Variants in VGLL4 observed in about 807,000 individuals in gnomAD.
The protein encoded by VGLL4 is transcription cofactor vestigial-like protein 4.
A neutral mutation model predicts 21.0 loss-of-function variants in VGLL4; 7 were observed. The ratio of observed to expected loss-of-function variants is 0.33; its 90% CI spans 0.19 to 0.63. The LOEUF (loss-of-function observed/expected upper bound fraction) is 0.63, where lower values mean the gene tolerates loss of function less well. VGLL4 is among the 20% of genes least tolerant of loss of function. VGLL4 has a pLI of 0.78. For missense variants in VGLL4, 394 were observed against 425.7 expected (o/e 0.93, Z 0.66); for synonymous variants, 222 against 173.2 (o/e 1.28, Z -2.21).
intron 2 of VGLL4, among the ~76,000 whole-genome samples, chr3:11,658,511 A>G (rs530190496): frequency 6.6e-6 from 1 of 151,790 alleles, no homozygotes; most frequent in Non-Finnish European, 1.5e-5. Flanking sequence ...GACACCTTCC[A>G]GTCCTCTTCT....
Position 11,565,114 on chromosome 3 carries a change from T to C in VGLL4, c.273-95A>G, listed in dbSNP as rs892819371. 4 of 1,222,264 alleles carry C rather than the reference T, an allele frequency of 3.3e-6. No homozygotes were observed. Among genetic ancestry groups the C allele is most frequent in the Admixed American group, 3.9e-5 (1 of 25,584 alleles). The allele number at this position is 1,222,264 out of a possible 1,614,324, so 75.7% of individuals were successfully genotyped here. A position where few individuals can be genotyped will look rare whatever the true frequency, so the allele number is the denominator to read the frequency against. On this transcript the variant is annotated intron_variant, in intron 2 of 4. Coordinates refer to ENST00000430365, the MANE Select transcript of VGLL4 (RefSeq NM_001128219.3). This position sits in a 1 kb window ranked among gnomAD's most constrained non-coding sequence, Gnocchi z 4.1. ...GCACTCCGTGTTGCTTATTTAATTT[T>C]TTACCCTGAAGCTCAGGTCGTGTGG...
intron 2 of VGLL4, among the ~76,000 whole-genome samples, chr3:11,681,762 A>G (rs1386237402): frequency 6.6e-6 from 1 of 152,234 alleles, no homozygotes; most frequent in African/African-American, 2.4e-5. Context: ...ATGCAGCCCA[A>G]GGAAACACAT....
intron 1 of VGLL4, among the ~76,000 whole-genome samples, chr3:11,634,499 CTTA>C (rs1214041717): frequency 6.6e-6 from 1 of 152,152 alleles, no homozygotes; most frequent in Non-Finnish European, 1.5e-5. Context: ...TATTTCATCT[CTTA>C]TTCCCTTCCA....
chr3:11,676,412 A>AT (rs1491305157), intron 2 of VGLL4, among the ~76,000 whole-genome samples: 3 of 30,176 alleles, frequency 9.9e-5, no homozygotes, highest in African/African-American at 2.5e-4. Flanking sequence ...AAAAAAAAAT[A>AT]AAATAATAAT....
At chr3:11,642,191 G>A (rs2125330952) in intron 1 of VGLL4, among the ~76,000 whole-genome samples, 1 of 152,212 alleles carries the variant, frequency 6.6e-6, no homozygotes, top group East Asian at 1.9e-4. Context: ...AGAAATTCAC[G>A]AAAATTCTCA....
intron 2 of VGLL4, chr3:11,692,967 AAG>A (rs1575536629): frequency 6.3e-6 from 1 of 158,276 alleles, no homozygotes; most frequent in Admixed American, 6.5e-5. Context: ...ACAGGAGTTC[AAG>A]ACCAACCTGG....
intron 2 of VGLL4, among the ~76,000 whole-genome samples, chr3:11,658,079 G>A (rs904230365): frequency 6.6e-6 from 1 of 150,886 alleles, no homozygotes; most frequent in Non-Finnish European, 1.5e-5. Flanking sequence ...TACTACAAAT[G>A]TGCACCACCA....
intron 2 of VGLL4, among the ~76,000 whole-genome samples, chr3:11,691,060 A>C (rs1292481587): frequency 6.6e-6 from 1 of 152,064 alleles, no homozygotes; most frequent in African/African-American, 2.4e-5. Flanking sequence ...ATAGACGTAG[A>C]AGATGGTGTC....
At chr3:11,717,858 C>T (rs895402280) in intron 1 of VGLL4, among the ~76,000 whole-genome samples, 2 of 152,112 alleles carry the variant, frequency 1.3e-5, no homozygotes, top group Non-Finnish European at 2.9e-5. Context: ...TGTATTGGAA[C>T]TAATATTACC....
At chr3:11,622,349 T>TA (rs2075278597) in intron 1 of VGLL4, among the ~76,000 whole-genome samples, 1 of 152,174 alleles carries the variant, frequency 6.6e-6, no homozygotes, top group Non-Finnish European at 1.5e-5. Flanking sequence ...CAGTGATATT[T>TA]ACCACTGACA....
chr3:11,674,011 C>CAAAAAAAAAAA (rs11293628), intron 2 of VGLL4, among the ~76,000 whole-genome samples: 1 of 56,878 alleles, frequency 1.8e-5, no homozygotes, highest in Non-Finnish European at 3.1e-5. Flanking sequence ...GACTTTGTCT[C>CAAAAAAAAAAA]AAAAAAAAAA....
At position 11,674,741 on chromosome 3, in the gene VGLL4, G is replaced by A. The variant is rs544777283; in HGVS notation, c.64+28230C>T. Among the ~76,000 whole-genome samples, 24 of 152,238 alleles carry A rather than the reference G, an allele frequency of 1.6e-4. No individual in the cohort carries two copies. The East Asian group carries it at 2.5e-3, about 16-fold the overall frequency. On this transcript the variant is annotated intron_variant, in intron 2 of 5. Coordinates refer to the VGLL4 transcript ENST00000273038. ...ACGGGACACCCAGGAAGAGATGAGCGATGGGTGTTATGCTGTTCTGTATTT... is the reference window on the plus strand; with the variant it reads ...ACGGGACACCCAGGAAGAGATGAGCAATGGGTGTTATGCTGTTCTGTATTT...
chr3:11,571,746 G>C (rs983356973), intron 2 of VGLL4, among the ~76,000 whole-genome samples: 11 of 152,142 alleles, frequency 7.2e-5, no homozygotes, highest in African/African-American at 2.2e-4. Flanking sequence ...CAACTCCATG[G>C]ACCCGGCAAC....
chr3:11,701,469 C>T (rs1391510022), intron 2 of VGLL4, among the ~76,000 whole-genome samples: 1 of 152,136 alleles, frequency 6.6e-6, no homozygotes, highest in Non-Finnish European at 1.5e-5. Flanking sequence ...TGTAAATGGA[C>T]TAAGACACAT....
chr3:11,559,567 G>C, intron 3 of VGLL4, 112 bp from the exon 4 acceptor site: 3 of 1,381,958 alleles, frequency 2.2e-6, no homozygotes, highest in Non-Finnish European at 2.8e-6. Context: ...TCCTGACCCA[G>C]TCTGCCACCT....
intron 2 of VGLL4, among the ~76,000 whole-genome samples, chr3:11,673,811 C>T (rs572480138): frequency 1.6e-3 from 238 of 151,910 alleles, no homozygotes; most frequent in Non-Finnish European, 2.4e-3. Flanking sequence ...GTCAGGGGTT[C>T]GAAACCAGCC....
At position 11,558,743 on chromosome 3, in the gene VGLL4, T is replaced by C. The variant is rs1325721354; in HGVS notation, c.704A>G (p.Asn235Ser). 1.2e-6 allele frequency: 2 copies of C among 1,614,070 alleles called. No individual in the cohort carries two copies. Among genetic ancestry groups the C allele is most frequent in the East Asian group, 2.2e-5 (1 of 44,874 alleles). The change falls in exon 5 of 5, where the codon AAC becomes AGC. Residue 235 changes from asparagine (N) to serine (S), a missense_variant. Asn to Ser is a conservative substitution (Grantham distance 46). Coordinates refer to ENST00000430365, the MANE Select transcript of VGLL4 (RefSeq NM_001128219.3). ...CACGGAGCCCGTGATGGACACGGAG[T>C]TGGGTGCCGGCTCGGGCTCCTTGTA... Reference protein sequence around the residue: ...KNYKEPEPAPNSVSITGSVDD... With the variant: ...KNYKEPEPAPSSVSITGSVDD...
chr3:11,650,744 C>CACAG (rs1491587847), intron 2 of VGLL4, among the ~76,000 whole-genome samples: 33 of 146,828 alleles, frequency 2.2e-4, no homozygotes, highest in African/African-American at 8.0e-4. Context: ...CACACACACA[C>CACAG]AGACACACAC....
At chr3:11,640,370 T>C (rs1345320679) in intron 1 of VGLL4, among the ~76,000 whole-genome samples, 3 of 152,080 alleles carry the variant, frequency 2.0e-5, no homozygotes, top group Non-Finnish European at 4.4e-5. Flanking sequence ...CCTATGACCT[T>C]TGCATGGAGA....
Sources: gnomAD v4.1 joint callset for allele counts (sites outside exome capture counted in the v4.1 genomes callset) on GRCh38, gnomAD v4.1.1 for gene constraint, Gnocchi (gnomAD v3.1) non-coding constraint, MANE v1.5 for transcripts, NCBI Gene and HGNC (gene_info 2026-07-23, HGNC 2026-07-21) for gene names.